Variants in SPINK5 observed in about 807,000 individuals in gnomAD.
SPINK5 encodes serine protease inhibitor Kazal-type 5.
A neutral mutation model predicts 151.8 loss-of-function variants in SPINK5; 125 were observed. The observed-to-expected ratio is 0.82, with a 90% CI of 0.71 to 0.96. The LOEUF is 0.96. Among genes scored for constraint, SPINK5 ranks in the 40% least tolerant of loss-of-function variants. The pLI is 0.00. For missense variants in SPINK5, 1,194 were observed against 1,291.9 expected (o/e 0.92, Z 1.16); for synonymous variants, 374 against 395.3 (o/e 0.95, Z 0.64).
intron 16 of SPINK5, among the ~76,000 whole-genome samples, chr5:148,105,491 T>C (rs1444786547): frequency 6.6e-6 from 1 of 152,218 alleles, no homozygotes; most frequent in African/African-American, 2.4e-5. Context: ...CCTCTGACTT[T>C]CCAGTTATTT....
Position 148,137,249 on chromosome 5 carries a change from C to A in SPINK5, c.*258C>A. 1.8e-6 allele frequency: 1 copy of A among 552,514 alleles called. No individual in the cohort carries two copies. The highest frequency in any genetic ancestry group is 3.2e-6 in the Non-Finnish European group (1 of 310,002). 34.2% of individuals were successfully genotyped at this position (552,514 alleles called of 1,614,324 possible). A position where few individuals can be genotyped will look rare whatever the true frequency, so the allele number is the denominator to read the frequency against. On this transcript the variant is annotated 3_prime_UTR_variant, in exon 33 of 33. Transcript: ENST00000256084. ...TGTCCTGATTACAATGCTGTCTGTCCAACTGCCTGTTCAATAAAAGTAAAC... is the reference window on the plus strand; with the variant it reads ...TGTCCTGATTACAATGCTGTCTGTCAAACTGCCTGTTCAATAAAAGTAAAC...
intron 12 of SPINK5, 87 bp from the exon 13 acceptor site, chr5:148,100,367 A>G (rs1753604444): frequency 2.2e-6 from 3 of 1,378,802 alleles, no homozygotes; most frequent in African/African-American, 1.4e-5. Flanking sequence ...GAGATGTAAC[A>G]TTAGTTTCTG....
At chr5:148,117,289 T>G (rs1322738540) in intron 22 of SPINK5, among the ~76,000 whole-genome samples, 2 of 152,224 alleles carry the variant, frequency 1.3e-5, no homozygotes, top group Admixed American at 6.5e-5. Flanking sequence ...ATTAGAATTG[T>G]CTGATAGACA....
At chr5:148,126,115 A>G (rs920296597) in intron 29 of SPINK5, among the ~76,000 whole-genome samples, 5 of 152,230 alleles carry the variant, frequency 3.3e-5, no homozygotes, top group Non-Finnish European at 7.3e-5. Context: ...CATCATAATT[A>G]GAAGAAATTC....
chr5:148,127,032 G>A lies in SPINK5; in HGVS notation c.2917G>A (p.Val973Ile). 1.2e-6 allele frequency: 2 copies of A among 1,613,876 alleles called. No individual in the cohort carries two copies. Among genetic ancestry groups the A allele is most frequent in the Non-Finnish European group, 1.7e-6 (2 of 1,179,880 alleles). The change falls in exon 30 of 33, where the codon GTT (valine) becomes ATT (isoleucine). Residue 973 changes from valine to isoleucine, a missense_variant. By Grantham distance (29) the Val-to-Ile change is conservative. Coordinates refer to ENST00000256084, the MANE Select transcript of SPINK5 (RefSeq NM_006846.4). ...RAKLQEKPSH[V>I]RASQEEDSPD... The stretch of plus-strand genomic sequence containing the variant: ...AAAGCTTCAAGAAAAGCCATCCCAT[G>A]TTAGAGCTTCTCAAGAGGAAGACAG...
intron 24 of SPINK5, among the ~76,000 whole-genome samples, chr5:148,119,490 G>A (rs1754193561): frequency 1.3e-5 from 2 of 152,140 alleles, no homozygotes; most frequent in South Asian, 4.1e-4. Context: ...AGTTTTAAAT[G>A]GTCTGATTGT....
At chr5:148,109,534 T>C in intron 18 of SPINK5, among the ~76,000 whole-genome samples, 1 of 150,350 alleles carries the variant, frequency 6.7e-6, no homozygotes, top group East Asian at 1.9e-4. Context: ...ATGATACAAA[T>C]AATATCATAT....
intron 17 of SPINK5, among the ~76,000 whole-genome samples, 200 bp from the exon 18 acceptor site, chr5:148,108,553 A>C (rs751809657): frequency 1.3e-5 from 2 of 152,156 alleles, no homozygotes; most frequent in Non-Finnish European, 2.9e-5. Flanking sequence ...TTTTGTAATT[A>C]TTCTTCTTTA....
In SPINK5 at chr5:148,111,757, T is replaced by G. The variant is rs1753934776; in HGVS notation, c.1693-11T>G. Reference sequence around the variant, plus strand: ...TGGACTCTTAAAACCTGCTTCTGCTTCATTTGGCAGGAGCTGTGCAGTGAA... The same window carrying G: ...TGGACTCTTAAAACCTGCTTCTGCTGCATTTGGCAGGAGCTGTGCAGTGAA... On this transcript the variant is annotated splice_polypyrimidine_tract_variant and intron_variant, in intron 18 of 32. Coordinates refer to ENST00000256084, the MANE Select transcript of SPINK5 (RefSeq NM_006846.4). 1.2e-6 allele frequency: 2 copies of G among 1,613,844 alleles called. No individual in the cohort carries two copies. Among genetic ancestry groups the G allele is most frequent in the Non-Finnish European group, 1.7e-6 (2 of 1,179,860 alleles).
chr5:148,073,814 TCACACA>T (rs67549762), intron 4 of SPINK5, among the ~76,000 whole-genome samples: 31,390 of 113,592 alleles, frequency 0.28, 4,542 homozygotes, highest in South Asian at 0.42. Context: ...TATGCCTGAG[TCACACA>T]CACACACACA....
chr5:148,097,079 T>C (rs1431087215), intron 10 of SPINK5, among the ~76,000 whole-genome samples: 3 of 150,564 alleles, frequency 2.0e-5, no homozygotes, highest in Admixed American at 1.3e-4. Context: ...TTTTTCTTTT[T>C]CTTCTCTCTA....
intron 2 of SPINK5, among the ~76,000 whole-genome samples, chr5:148,065,785 C>T (rs968280551): frequency 3.9e-5 from 6 of 151,974 alleles, no homozygotes; most frequent in African/African-American, 7.3e-5. Flanking sequence ...TGTATATAGT[C>T]GGTGTATATA....
In SPINK5 at chr5:148,120,492, T is replaced by C. The variant is rs561019005; in HGVS notation, c.2538+101T>C. ...TGAAATGCTGACTCTGTCCCAATCA[T>C]TGGTGATATAACGGTAAACAATGAA... On this transcript the variant is annotated intron_variant, in intron 26 of 32. Transcript: ENST00000256084. 1.9e-5 allele frequency: 26 copies of C among 1,396,950 alleles called. No individual in the cohort carries two copies. The Admixed American group carries it at 2.0e-4, about 11-fold the overall frequency. The allele number at this position is 1,396,950 out of a possible 1,614,324, so 86.5% of individuals were successfully genotyped here.
intron 4 of SPINK5, among the ~76,000 whole-genome samples, chr5:148,081,169 G>C (rs1753009558): frequency 1.3e-5 from 2 of 151,448 alleles, no homozygotes; most frequent in East Asian, 3.9e-4. Flanking sequence ...GTCAGATCGG[G>C]GTAATATACA....
chr5:148,127,180 G>A, intron 30 of SPINK5, 101 bp downstream of exon 30: 3 of 1,018,192 alleles, frequency 2.9e-6, no homozygotes, highest in East Asian at 2.7e-5. Context: ...TCTGAGGTTT[G>A]CTGATTCAGT....
intron 23 of SPINK5, 99 bp from the exon 24 acceptor site, chr5:148,118,884 TGAA>T: frequency 8.2e-7 from 1 of 1,221,450 alleles, no homozygotes; most frequent in Non-Finnish European, 1.2e-6. Flanking sequence ...CCAGCACAGT[TGAA>T]GAAAGCTGAC....
intron 17 of SPINK5, among the ~76,000 whole-genome samples, chr5:148,107,613 A>C (rs1301452485): frequency 2.0e-5 from 3 of 152,202 alleles, no homozygotes; most frequent in Admixed American, 1.3e-4. Flanking sequence ...ATGGAATAGG[A>C]AGGATTGTTA....
chr5:148,068,554 CAAAAAAAA>C (rs1166912306), intron 2 of SPINK5, among the ~76,000 whole-genome samples: 104 of 89,208 alleles, frequency 1.2e-3, no homozygotes, highest in Non-Finnish European at 1.5e-3. Context: ...CCTGCCTCTC[CAAAAAAAA>C]AAAAAAAAAA....
intron 10 of SPINK5, among the ~76,000 whole-genome samples, chr5:148,097,646 T>C (rs1753505023): frequency 6.6e-6 from 1 of 152,054 alleles, no homozygotes. Flanking sequence ...AACATAAATA[T>C]AAATAAATCA....
Sources: gnomAD v4.1 joint callset for allele counts (sites outside exome capture counted in the v4.1 genomes callset) on GRCh38, gnomAD v4.1.1 for gene constraint, MANE v1.5 for transcripts, NCBI Gene and HGNC (gene_info 2026-07-23, HGNC 2026-07-21) for gene names.